The following ELF1 variants were observed in gnomAD, a reference collection of about 807,000 sequenced individuals.
ELF1 encodes the protein E74 like ETS transcription factor 1.
A neutral mutation model predicts 59.9 loss-of-function variants in ELF1; 24 were observed. The ratio of observed to expected loss-of-function variants is 0.40; its 90% CI spans 0.29 to 0.56. The LOEUF (loss-of-function observed/expected upper bound fraction) is 0.56. ELF1 is among the 20% of genes least tolerant of loss of function. The pLI is 0.44. For missense variants in ELF1, 627 were observed against 742.2 expected (o/e 0.84, Z 1.80); for synonymous variants, 248 against 266.2 (o/e 0.93, Z 0.67).
intron 5 of ELF1, among the ~76,000 whole-genome samples, chr13:40,945,292 TA>T: frequency 6.6e-6 from 1 of 152,344 alleles, no homozygotes; most frequent in South Asian, 2.1e-4. Flanking sequence ...AACATCTTCC[TA>T]ATCATTCAAG....
chr13:41,027,882 C>T (rs1414552081), intron 1 of ELF1, among the ~76,000 whole-genome samples: 2 of 152,212 alleles, frequency 1.3e-5, no homozygotes, highest in Non-Finnish European at 2.9e-5. Context: ...GATTCAGTTA[C>T]AGTGCCAGCT....
intron 1 of ELF1, among the ~76,000 whole-genome samples, chr13:41,031,723 G>A (rs1303038302): frequency 6.7e-6 from 1 of 148,844 alleles, no homozygotes; most frequent in Non-Finnish European, 1.5e-5. Context: ...GGGAGGCTGA[G>A]ACAGAGAATT....
chr13:40,954,552 A>T (rs1871086250), intron 3 of ELF1, among the ~76,000 whole-genome samples: 1 of 151,508 alleles, frequency 6.6e-6, no homozygotes, highest in Non-Finnish European at 1.5e-5. Flanking sequence ...TCCCTGCCTG[A>T]TTCTCCTGCC....
chr13:40,999,490 A>G (rs1236587065), intron 1 of ELF1, among the ~76,000 whole-genome samples: 2 of 152,248 alleles, frequency 1.3e-5, no homozygotes, highest in Non-Finnish European at 2.9e-5. Flanking sequence ...AGAGTTCACA[A>G]TGGGAAATAG....
intron 5 of ELF1, among the ~76,000 whole-genome samples, chr13:40,948,057 A>T (rs1566167736): frequency 6.6e-6 from 1 of 152,244 alleles, no homozygotes; most frequent in Non-Finnish European, 1.5e-5. Context: ...TACTGAAGAA[A>T]TTGGACATCG....
chr13:41,005,450 C>CAA (rs11383900), intron 1 of ELF1, among the ~76,000 whole-genome samples: 643 of 54,694 alleles, frequency 0.012, 6 homozygotes, highest in African/African-American at 0.025. Flanking sequence ...TATACCTATC[C>CAA]AAAAAAAAAA....
intron 2 of ELF1, among the ~76,000 whole-genome samples, chr13:40,978,121 T>C (rs1296598884): frequency 6.6e-6 from 1 of 152,154 alleles, no homozygotes; most frequent in African/African-American, 2.4e-5. Flanking sequence ...GGCTCATGCC[T>C]GAAATCCCAG....
intron 1 of ELF1, among the ~76,000 whole-genome samples, chr13:40,992,614 T>C (rs1005939095): frequency 6.8e-6 from 1 of 147,194 alleles, no homozygotes; most frequent in Non-Finnish European, 1.5e-5. Flanking sequence ...TCATCAATGC[T>C]TGATAGTGTT....
At chr13:40,958,789 C>G in intron 3 of ELF1, 47 bp downstream of exon 3, 1 of 1,568,474 alleles carries the variant, frequency 6.4e-7, no homozygotes, top group South Asian at 1.2e-5. Context: ...AGGACACTGC[C>G]TAAAGCTGTG....
intron 1 of ELF1, among the ~76,000 whole-genome samples, chr13:41,053,963 T>C (rs975046633): frequency 6.6e-6 from 1 of 152,164 alleles, no homozygotes; most frequent in Non-Finnish European, 1.5e-5. Flanking sequence ...AAGGCCACTT[T>C]CACTTAGCCA....
chr13:40,980,588 A>G (rs1361878501), intron 2 of ELF1, among the ~76,000 whole-genome samples: 1 of 152,178 alleles, frequency 6.6e-6, no homozygotes, highest in African/African-American at 2.4e-5. Flanking sequence ...CATGTTCCAA[A>G]GAGTGTCAAA....
At chr13:41,030,218 A>T (rs536634941) in intron 1 of ELF1, among the ~76,000 whole-genome samples, 2 of 152,242 alleles carry the variant, frequency 1.3e-5, no homozygotes, top group South Asian at 4.1e-4. Flanking sequence ...ATGTAGGAAG[A>T]AAAAAAGGCA....
chr13:40,934,416 C>CT (rs10692930), intron 8 of ELF1, among the ~76,000 whole-genome samples: 1,300 of 102,336 alleles, frequency 0.013, 67 homozygotes, highest in African/African-American at 0.036. Context: ...TTCATTCCTG[C>CT]TTTTTTTTTT....
chr13:41,000,489 G>A (rs1160979517), intron 1 of ELF1, among the ~76,000 whole-genome samples: 1 of 151,632 alleles, frequency 6.6e-6, no homozygotes, highest in Admixed American at 6.6e-5. Flanking sequence ...CCAAATTGCT[G>A]GGATTACAGG....
At chr13:40,975,950 C>T (rs943742898) in intron 2 of ELF1, among the ~76,000 whole-genome samples, 7 of 152,100 alleles carry the variant, frequency 4.6e-5, no homozygotes, top group South Asian at 2.1e-4. Flanking sequence ...TAATTTAACA[C>T]ATTTGAAAAA....
At chr13:41,004,331 G>A (rs1230552256) in intron 1 of ELF1, among the ~76,000 whole-genome samples, 2 of 151,874 alleles carry the variant, frequency 1.3e-5, no homozygotes, top group Non-Finnish European at 2.9e-5. Context: ...TTTTTTCCAA[G>A]GAGAGAGAAC....
intron 8 of ELF1, among the ~76,000 whole-genome samples, chr13:40,940,386 GA>G (rs375400990): frequency 0.021 from 2,250 of 108,556 alleles, 14 homozygotes; most frequent in African/African-American, 0.054. Flanking sequence ...TGATTTAACT[GA>G]AAAAAAAAAA....
chr13:41,023,211 T>C (rs1875756045), upstream of ELF1, among the ~76,000 whole-genome samples: 1 of 152,228 alleles, frequency 6.6e-6, no homozygotes, highest in Non-Finnish European at 1.5e-5. Context: ...TAAAAAGAAT[T>C]TATTGTGCTA....
At chr13:40,993,148 T>C in intron 1 of ELF1, 2 of 1,536,060 alleles carry the variant, frequency 1.3e-6, no homozygotes, top group Non-Finnish European at 1.8e-6. Context: ...ACCTGGATAC[T>C]CTCCATTTTT....
Sources: allele counts gnomAD v4.1 joint callset (sites outside exome capture counted in the v4.1 genomes callset), GRCh38; gene constraint gnomAD v4.1.1; transcripts MANE v1.5; gene names NCBI Gene and HGNC (gene_info 2026-07-23, HGNC 2026-07-21).